Variants in HSPD1 observed in about 807,000 individuals in gnomAD.
HSPD1 encodes 60 kDa heat shock protein, mitochondrial.
In HSPD1, 3 loss-of-function variants were observed where a neutral mutation model predicts 53.0. The observed-to-expected ratio is 0.06, with a 90% CI of 0.03 to 0.15. HSPD1 has a LOEUF of 0.15. HSPD1 is among the 10% of genes least tolerant of loss of function. The pLI is 1.00. For missense variants in HSPD1, 431 were observed against 694.1 expected (o/e 0.62, Z 4.26); for synonymous variants, 200 against 228.0 (o/e 0.88, Z 1.10).
chr2:197,495,106 A>G (rs892401997), intron 4 of HSPD1, 188 bp downstream of exon 4: 17 of 623,922 alleles, frequency 2.7e-5, no homozygotes, highest in Non-Finnish European at 4.1e-5. Context: ...TGACAACCAC[A>G]TGTAGAACTA....
chr2:197,494,344 T>C, intron 5 of HSPD1, 94 bp from the exon 6 acceptor site: 1 of 759,534 alleles, frequency 1.3e-6, no homozygotes, highest in Non-Finnish European at 2.4e-6. Flanking sequence ...CCTCTGGCCA[T>C]AAGAGATGCA....
intron 2 of HSPD1, 122 bp downstream of exon 2, chr2:197,498,553 C>T: frequency 2.2e-6 from 2 of 892,298 alleles, no homozygotes; most frequent in Non-Finnish European, 3.6e-6. Context: ...AGAATTCTTA[C>T]ATGTAAACTG....
chr2:197,498,963 C>G (rs1418654109), intron 1 of HSPD1, 113 bp from the exon 2 acceptor site: 19 of 922,384 alleles, frequency 2.1e-5, no homozygotes, highest in Non-Finnish European at 3.1e-5. Flanking sequence ...CCTGGCTGAC[C>G]TCCGCCAGCC....
upstream of HSPD1, chr2:197,500,209 C>T (rs2086230381): frequency 1.6e-6 from 1 of 606,550 alleles, no homozygotes; most frequent in East Asian, 2.8e-5. Context: ...TTTTCTTCCG[C>T]CTCCGAGTCT....
chr2:197,487,749 T>A (rs1054297065), intron 11 of HSPD1, 109 bp downstream of exon 11: 36 of 835,654 alleles, frequency 4.3e-5, no homozygotes, highest in Non-Finnish European at 7.4e-5. Context: ...TTGCTGTTGC[T>A]ACTGCTATTA....
chr2:197,495,260 T>A, intron 4 of HSPD1, 34 bp downstream of exon 4: 1 of 1,337,564 alleles, frequency 7.5e-7, no homozygotes, highest in Non-Finnish European at 1.1e-6. Flanking sequence ...CATTAAATTT[T>A]TTTTAAAAAA....
chr2:197,494,961 T>C, intron 4 of HSPD1: 1 of 608,372 alleles, frequency 1.6e-6, no homozygotes, highest in South Asian at 2.0e-5. Flanking sequence ...ATATGATACA[T>C]AAAACTATTC....
intron 7 of HSPD1, 106 bp downstream of exon 7, chr2:197,493,218 A>G: frequency 1.0e-6 from 1 of 954,194 alleles, no homozygotes; most frequent in Non-Finnish European, 1.7e-6. Context: ...TACAAACCCA[A>G]CTGGATCAAA....
At chr2:197,493,572 A>G in intron 6 of HSPD1, 80 bp from the exon 7 acceptor site, 2 of 1,029,436 alleles carry the variant, frequency 1.9e-6, no homozygotes, top group Non-Finnish European at 3.0e-6. Flanking sequence ...CCAAGGTTCC[A>G]ATACACTTTA....
At chr2:197,489,548 T>A (rs556194072) in intron 8 of HSPD1, among the ~76,000 whole-genome samples, 1 of 152,164 alleles carries the variant, frequency 6.6e-6, no homozygotes, top group Admixed American at 6.5e-5. Flanking sequence ...AAGTCCTACA[T>A]CCCTTGTAGC....
At chr2:197,497,071 G>A (rs764639703) in intron 3 of HSPD1, 69 bp downstream of exon 3, 4 of 1,447,482 alleles carry the variant, frequency 2.8e-6, no homozygotes, top group African/African-American at 1.4e-5. Flanking sequence ...ACTTTCCTTA[G>A]GTCCAAGGAA....
chr2:197,499,541 C>T (rs531309491), intron 1 of HSPD1: 98 of 152,904 alleles, frequency 6.4e-4, no homozygotes, highest in Non-Finnish European at 1.2e-3. Context: ...GTTACAATCC[C>T]CCAAATTCAA....
At chr2:197,492,637 G>A (rs2086107939) in intron 7 of HSPD1, among the ~76,000 whole-genome samples, 1 of 151,634 alleles carries the variant, frequency 6.6e-6, no homozygotes, top group Non-Finnish European at 1.5e-5. Context: ...CCGGAGGCTT[G>A]AGCTGAGATT....
chr2:197,493,555 A>G, intron 6 of HSPD1, 63 bp from the exon 7 acceptor site: 1 of 1,224,342 alleles, frequency 8.2e-7, no homozygotes, highest in East Asian at 2.4e-5. Context: ...TTAAATGAAA[A>G]GCGAAACCAA....
intron 2 of HSPD1, 111 bp downstream of exon 2, chr2:197,498,564 A>G (rs2086190689): frequency 1.0e-6 from 1 of 965,540 alleles, no homozygotes; most frequent in East Asian, 2.5e-5. Context: ...ATGTAAACTG[A>G]GTTCTCTCAA....
rs1400290125 is a variant in HSPD1 at position 197,490,212 on chromosome 2, A to C, written c.954T>G (p.Ile318Met). The C allele has an allele frequency of 1.2e-6, 2 of 1,611,390 alleles. No homozygotes were observed. The highest frequency in any genetic ancestry group is 2.7e-5 in the African/African-American group (2 of 74,996). ...TTTTACTTACTGCACCACCAGTAGC[A>C]ATAGCCATATCTTTAAGCTGGTTCT... is the stretch of plus-strand genomic sequence containing the variant. ...NRKNQLKDMAIATGGAVFGEE... is the reference protein window; with the variant it reads ...NRKNQLKDMAMATGGAVFGEE... Residue 318 changes from isoleucine (I) to methionine (M), a missense_variant, in exon 8 of 12, where the codon ATT becomes ATG. By Grantham distance (10) the Ile-to-Met change is conservative (BLOSUM62 1). This residue lies in a region of HSPD1 where 386 missense variants were observed against 657.6 expected (regional missense o/e 0.59). Transcript: ENST00000388968.
intron 3 of HSPD1, among the ~76,000 whole-genome samples, chr2:197,495,582 G>A (rs1295554562): frequency 6.6e-6 from 1 of 151,944 alleles, no homozygotes; most frequent in Non-Finnish European, 1.5e-5. Flanking sequence ...GACATCCTGG[G>A]CTCAAGGGAG....
At chr2:197,497,082 T>A (rs1457574404) in intron 3 of HSPD1, 58 bp downstream of exon 3, 3 of 1,538,676 alleles carry the variant, frequency 1.9e-6, no homozygotes, top group Non-Finnish European at 2.7e-6. Flanking sequence ...GTCCAAGGAA[T>A]CAATGCCTTA....
At chr2:197,488,117 G>C in intron 10 of HSPD1, 81 bp from the exon 11 acceptor site, 1 of 1,141,114 alleles carries the variant, frequency 8.8e-7, no homozygotes, top group South Asian at 1.3e-5. Context: ...GGATATTGAT[G>C]TAGGGAAATC....
Sources: gnomAD v4.1 joint callset for allele counts (sites outside exome capture counted in the v4.1 genomes callset) on GRCh38, gnomAD v4.1.1 for gene constraint, gnomAD v4.1.1 regional missense constraint, MANE v1.5 for transcripts, NCBI Gene and HGNC (gene_info 2026-07-23, HGNC 2026-07-21) for gene names.